ARHGAP42: variants seen among roughly 807,000 people sequenced by gnomAD.
ARHGAP42 encodes rho GTPase-activating protein 42.
In ARHGAP42, 63 loss-of-function variants were observed where a neutral mutation model predicts 125.0. The ratio of observed to expected loss-of-function variants is 0.50; its 90% CI spans 0.41 to 0.62. The LOEUF is 0.62. Ranked by LOEUF, ARHGAP42 falls within the 20% of genes least tolerant of loss-of-function variation. The pLI is 0.00. For synonymous variants in ARHGAP42, 339 were observed against 351.0 expected, an observed-to-expected ratio of 0.97 and a Z score of 0.38; for missense variants, 766 against 1,024.2, an observed-to-expected ratio of 0.75 and a Z score of 3.44.
At chr11:100,929,342 C>G (rs1236933332) in intron 6 of ARHGAP42, among the ~76,000 whole-genome samples, 1 of 152,164 alleles carries the variant, frequency 6.6e-6, no homozygotes, top group East Asian at 1.9e-4. Context: ...TCCTAACCGG[C>G]CACAAATGAC....
At chr11:100,739,400 C>G (rs1460560278) in intron 1 of ARHGAP42, among the ~76,000 whole-genome samples, 1 of 151,864 alleles carries the variant, frequency 6.6e-6, no homozygotes, top group Admixed American at 6.6e-5. Flanking sequence ...CTATGACTCT[C>G]AAAAATAACT....
chr11:100,893,925 T>A (rs1219648476), intron 4 of ARHGAP42, among the ~76,000 whole-genome samples: 1 of 151,252 alleles, frequency 6.6e-6, no homozygotes, highest in Non-Finnish European at 1.5e-5. Flanking sequence ...AGTTCATTAT[T>A]AAAAACATTA....
intron 2 of ARHGAP42, among the ~76,000 whole-genome samples, chr11:100,787,446 A>C (rs1443088110): frequency 2.0e-5 from 3 of 152,200 alleles, no homozygotes; most frequent in Non-Finnish European, 4.4e-5. Flanking sequence ...TAAATTACCC[A>C]GTCTCATGTA....
intron 9 of ARHGAP42, among the ~76,000 whole-genome samples, chr11:100,943,317 A>T (rs185200080): frequency 2.0e-4 from 31 of 152,102 alleles, no homozygotes; most frequent in Admixed American, 4.6e-4. Context: ...AGGCTCTAAT[A>T]CAAAGACACA....
At chr11:100,693,502 A>C (rs1004371386) in intron 1 of ARHGAP42, among the ~76,000 whole-genome samples, 1 of 152,128 alleles carries the variant, frequency 6.6e-6, no homozygotes, top group Middle Eastern at 3.2e-3. Context: ...AGTGAAATGA[A>C]ATTGGGCTGG....
Position 100,937,125 on chromosome 11 carries a change from AATTTG to A in ARHGAP42, c.832+801_832+805del, listed in dbSNP as rs1392342084. On this transcript the variant is annotated intron_variant, in intron 8 of 23. Coordinates refer to ENST00000298815, the MANE Select transcript of ARHGAP42 (RefSeq NM_152432.4). The stretch of plus-strand genomic sequence containing the variant: ...TTTGTTGGAGAGCAGGACACACACA[AATTTG>A]ATTTGATCCAGCAGACTCTGCAAAC... 2.6e-5 allele frequency among the ~76,000 whole-genome samples: 4 copies of A among 152,174 alleles called. No homozygotes were observed. The East Asian group carries it at 7.7e-4, about 29-fold the overall frequency.
intron 4 of ARHGAP42, among the ~76,000 whole-genome samples, chr11:100,909,493 G>A (rs781063322): frequency 7.2e-5 from 11 of 151,978 alleles, no homozygotes; most frequent in African/African-American, 1.2e-4. Flanking sequence ...ACAAATGCCC[G>A]TCGCCATGCC....
chr11:100,902,345 G>A lies in ARHGAP42; in HGVS notation c.385-11107G>A, dbSNP rs143165321. On this transcript the variant is annotated intron_variant, in intron 4 of 23. Coordinates refer to ENST00000298815, the MANE Select transcript of ARHGAP42 (RefSeq NM_152432.4). ...CTCATTTTTCCATTCTTTAAGATGGGAGTCATGGTAATATGTTGATTTTTT... is the reference window on the plus strand; with the variant it reads ...CTCATTTTTCCATTCTTTAAGATGGAAGTCATGGTAATATGTTGATTTTTT... 5.9e-3 allele frequency among the ~76,000 whole-genome samples: 901 copies of A among 151,942 alleles called. 9 individuals carry two copies. The highest frequency in any genetic ancestry group is 0.02 in the African/African-American group (826 of 41,512).
At chr11:100,894,060 T>C (rs1233109376) in intron 4 of ARHGAP42, among the ~76,000 whole-genome samples, 1 of 152,178 alleles carries the variant, frequency 6.6e-6, no homozygotes, top group African/African-American at 2.4e-5. Context: ...AGATGAAGCA[T>C]TGTTTAAGAG....
At chr11:100,704,265 A>T (rs1861443494) in intron 1 of ARHGAP42, among the ~76,000 whole-genome samples, 1 of 152,212 alleles carries the variant, frequency 6.6e-6, no homozygotes, top group Non-Finnish European at 1.5e-5. Flanking sequence ...GATATTTCTT[A>T]TTGGATCTGT....
At chr11:100,883,016 T>G (rs1865998222) in intron 4 of ARHGAP42, among the ~76,000 whole-genome samples, 1 of 152,244 alleles carries the variant, frequency 6.6e-6, no homozygotes, top group Non-Finnish European at 1.5e-5. Context: ...TAATGTTCTA[T>G]CAATTTTATT....
chr11:100,765,596 T>A (rs1862811153), intron 1 of ARHGAP42, among the ~76,000 whole-genome samples: 1 of 152,228 alleles, frequency 6.6e-6, no homozygotes, highest in African/African-American at 2.4e-5. Flanking sequence ...TTGTTATTAA[T>A]CTCTGTCAGA....
intron 4 of ARHGAP42, among the ~76,000 whole-genome samples, chr11:100,872,559 G>T (rs1317996102): frequency 6.6e-6 from 1 of 151,840 alleles, no homozygotes; most frequent in African/African-American, 2.4e-5. Context: ...AGCCTGGCTG[G>T]TTTTTGTGTT....
At chr11:100,810,178 C>A (rs1485582650) in intron 3 of ARHGAP42, among the ~76,000 whole-genome samples, 5 of 151,698 alleles carry the variant, frequency 3.3e-5, no homozygotes, top group Admixed American at 6.6e-5. Context: ...AAAGGATGTG[C>A]AGGACTTACA....
intron 1 of ARHGAP42, among the ~76,000 whole-genome samples, chr11:100,731,944 CT>C (rs57924551): frequency 0.13 from 19,130 of 149,122 alleles, 1,378 homozygotes; most frequent in East Asian, 0.26. Context: ...ATATTTAACT[CT>C]TTTTTTTTTC....
At chr11:100,723,798 T>TTGAGTGG (rs1861806944) in intron 1 of ARHGAP42, among the ~76,000 whole-genome samples, 1 of 152,160 alleles carries the variant, frequency 6.6e-6, no homozygotes, top group South Asian at 2.1e-4. Flanking sequence ...GATGCTGGAT[T>TTGAGTGG]TGAGTGGTGA....
chr11:100,816,961 A>G (rs914461208), intron 3 of ARHGAP42: 4 of 152,340 alleles, frequency 2.6e-5, no homozygotes, highest in South Asian at 4.1e-4. Flanking sequence ...GGATAAGCCT[A>G]TAAGAGAAAT....
chr11:100,808,403 T>A (rs1221381950), intron 3 of ARHGAP42, among the ~76,000 whole-genome samples: 1 of 146,856 alleles, frequency 6.8e-6, no homozygotes, highest in African/African-American at 2.5e-5. Context: ...CTCTTTTTTT[T>A]TTTTTTTTTT....
At chr11:100,886,719 T>C (rs1866101236) in intron 4 of ARHGAP42, among the ~76,000 whole-genome samples, 1 of 152,206 alleles carries the variant, frequency 6.6e-6, no homozygotes, top group South Asian at 2.1e-4. Flanking sequence ...TGCATCTCTC[T>C]ACTAGCTGAC....
Sources: gnomAD v4.1 joint callset for allele counts (sites outside exome capture counted in the v4.1 genomes callset) on GRCh38, gnomAD v4.1.1 for gene constraint, MANE v1.5 for transcripts, NCBI Gene and HGNC (gene_info 2026-07-23, HGNC 2026-07-21) for gene names.